RBFOX1: variants seen among roughly 807,000 people sequenced by gnomAD.
The protein encoded by RBFOX1 is RNA binding protein fox-1 homolog 1.
In RBFOX1, 8 loss-of-function variants were observed where a neutral mutation model predicts 57.7. The ratio of observed to expected loss-of-function variants is 0.14; its 90% CI spans 0.08 to 0.25. The LOEUF is 0.25. Ranked by LOEUF, RBFOX1 falls within the 10% of genes least tolerant of loss-of-function variation. The pLI is 1.00. For missense variants in RBFOX1, 611 were observed against 548.5 expected (o/e 1.11, Z -1.14); for synonymous variants, 326 against 222.4 (o/e 1.47, Z -4.15).
chr16:5,492,873 A>G (rs1227198512), intron 2 of RBFOX1, among the ~76,000 whole-genome samples: 1 of 152,218 alleles, frequency 6.6e-6, no homozygotes, highest in African/African-American at 2.4e-5. Flanking sequence ...AGTGACCTCT[A>G]TGGGAGAGGA....
At chr16:7,204,628 A>G (rs186507539) in intron 4 of RBFOX1, among the ~76,000 whole-genome samples, 319 of 152,352 alleles carry the variant, frequency 2.1e-3, no homozygotes, top group African/African-American at 7.1e-3. Flanking sequence ...CCTGGGCAAC[A>G]GAACAAGACT....
At chr16:6,913,265 C>G (rs1484336614) in intron 3 of RBFOX1, among the ~76,000 whole-genome samples, 2 of 152,110 alleles carry the variant, frequency 1.3e-5, no homozygotes, top group Non-Finnish European at 2.9e-5. Context: ...TAAAGTAGCA[C>G]TTTTAATTCA....
chr16:6,111,595 T>C lies in RBFOX1; in HGVS notation c.-127+91603T>C, dbSNP rs146029242. ...CCCCAGGACTATGGCTTTTGACAAA[T>C]GTGTCATCAAAATAAACTGGGTATT... On this transcript the variant is annotated intron_variant, in intron 1 of 15. Transcript: ENST00000550418. Among the ~76,000 whole-genome samples the C allele has an allele frequency of 4.8e-3, 727 of 152,286 alleles. 4 individuals are homozygous for C. The highest frequency in any genetic ancestry group is 8.2e-3 in the Non-Finnish European group (559 of 68,032).
intron 4 of RBFOX1, among the ~76,000 whole-genome samples, chr16:7,094,764 GT>G (rs1356066082): frequency 3.6e-5 from 5 of 139,968 alleles, no homozygotes; most frequent in African/African-American, 1.2e-4. Context: ...GTGTGTGTGT[GT>G]GTGTGTGTGT....
chr16:6,555,186 A>T (rs116253538), intron 2 of RBFOX1, among the ~76,000 whole-genome samples: 124 of 152,316 alleles, frequency 8.1e-4, no homozygotes, highest in African/African-American at 2.8e-3. Context: ...TAAAATCAGG[A>T]GTCCTAGACC....
At chr16:6,139,241 C>G (rs9930536) in intron 1 of RBFOX1, among the ~76,000 whole-genome samples, 16,874 of 152,032 alleles carry the variant, frequency 0.11, 1,451 homozygotes, top group African/African-American at 0.23. Flanking sequence ...AGTTTTCAGG[C>G]CAACTAAGCA....
intron 4 of RBFOX1, among the ~76,000 whole-genome samples, chr16:7,355,254 C>T (rs1216189929): frequency 6.6e-6 from 1 of 152,180 alleles, no homozygotes; most frequent in East Asian, 1.9e-4. Context: ...AAATCCCATC[C>T]CAGGCCTCAG....
At chr16:7,123,819 A>G (rs982344624) in intron 4 of RBFOX1, among the ~76,000 whole-genome samples, 1 of 152,236 alleles carries the variant, frequency 6.6e-6, no homozygotes, top group Non-Finnish European at 1.5e-5. Flanking sequence ...AATTTGCAAT[A>G]TAAGAAGAAG....
At chr16:5,734,000 T>C (rs1161089458) in intron 3 of RBFOX1, among the ~76,000 whole-genome samples, 1 of 152,138 alleles carries the variant, frequency 6.6e-6, no homozygotes, top group Non-Finnish European at 1.5e-5. Flanking sequence ...TGTTACCTAT[T>C]AGAGCTGAAG....
At chr16:7,038,404 A>G (rs536580993) in intron 3 of RBFOX1, among the ~76,000 whole-genome samples, 12 of 152,270 alleles carry the variant, frequency 7.9e-5, no homozygotes, top group African/African-American at 1.9e-4. Context: ...AATAACTGCA[A>G]TTGTTTTCTC....
At chr16:5,421,967 A>G (rs1027352631) in intron 1 of RBFOX1, among the ~76,000 whole-genome samples, 7 of 152,198 alleles carry the variant, frequency 4.6e-5, no homozygotes, top group African/African-American at 1.7e-4. Context: ...GCCTACTGCT[A>G]GTGGGAATAA....
At chr16:6,110,197 T>TC (rs199595765) in intron 1 of RBFOX1, among the ~76,000 whole-genome samples, 2,037 of 143,548 alleles carry the variant, frequency 0.014, 55 homozygotes, top group African/African-American at 0.048. Flanking sequence ...TTCTTCTTCT[T>TC]TTTTTTTTTT....
At chr16:7,250,542 C>G (rs1325213194) in intron 4 of RBFOX1, among the ~76,000 whole-genome samples, 1 of 152,218 alleles carries the variant, frequency 6.6e-6, no homozygotes, top group Admixed American at 6.5e-5. Context: ...TATCCCCTCC[C>G]TCCAAGAAAG....
intron 2 of RBFOX1, among the ~76,000 whole-genome samples, chr16:6,500,242 C>G (rs2095873190): frequency 6.6e-6 from 1 of 152,184 alleles, no homozygotes; most frequent in Non-Finnish European, 1.5e-5. Flanking sequence ...GGCAAAATAC[C>G]TAGGAGCTTA....
chr16:7,693,863 G>T (rs934255046), intron 14 of RBFOX1, among the ~76,000 whole-genome samples: 1 of 152,142 alleles, frequency 6.6e-6, no homozygotes. Context: ...ATAAGAAGGG[G>T]ATCTTCATTC....
chr16:5,308,842 A>G (rs1403601601), intron 1 of RBFOX1, among the ~76,000 whole-genome samples: 3 of 151,994 alleles, frequency 2.0e-5, no homozygotes, highest in Admixed American at 6.6e-5. Flanking sequence ...GCAGATTCCC[A>G]GTGCTCCAAT....
At chr16:6,337,639 C>G (rs1311197960) in intron 2 of RBFOX1, among the ~76,000 whole-genome samples, 9 of 152,150 alleles carry the variant, frequency 5.9e-5, no homozygotes, top group African/African-American at 2.2e-4. Flanking sequence ...GCAGCAAGCA[C>G]TACTTATTGT....
intron 3 of RBFOX1, among the ~76,000 whole-genome samples, chr16:6,683,121 A>C (rs974825372): frequency 3.9e-5 from 6 of 152,150 alleles, no homozygotes; most frequent in Non-Finnish European, 8.8e-5. Flanking sequence ...TTATTTAATG[A>C]TGAAAGAGCT....
chr16:5,691,463 C>G (rs3859164), intron 3 of RBFOX1, among the ~76,000 whole-genome samples: 32,367 of 152,166 alleles, frequency 0.21, 4,801 homozygotes, highest in East Asian at 0.66. Context: ...TTTGTTAATT[C>G]AATGTTCATG....
Sources: gnomAD v4.1 joint callset for allele counts (sites outside exome capture counted in the v4.1 genomes callset) on GRCh38, gnomAD v4.1.1 for gene constraint, MANE v1.5 for transcripts, NCBI Gene and HGNC (gene_info 2026-07-23, HGNC 2026-07-21) for gene names.